DENND1B: variants seen among roughly 807,000 people sequenced by gnomAD.
The protein encoded by DENND1B is DENN domain-containing protein 1B.
A neutral mutation model predicts 90.1 loss-of-function variants in DENND1B; 59 were observed. The observed-to-expected ratio is 0.65, with a 90% CI of 0.53 to 0.81. DENND1B has a LOEUF of 0.81. Ranked by LOEUF, DENND1B falls within the 40% of genes least tolerant of loss-of-function variation. The pLI, the probability that DENND1B is intolerant of heterozygous loss-of-function variation, is 0.00. For missense variants in DENND1B, 862 were observed against 912.6 expected (o/e 0.94, Z 0.71); for synonymous variants, 337 against 324.6 (o/e 1.04, Z -0.41).
At chr1:197,600,505 C>A in intron 13 of DENND1B, among the ~76,000 whole-genome samples, 1 of 151,682 alleles carries the variant, frequency 6.6e-6, no homozygotes, top group Non-Finnish European at 1.5e-5. Flanking sequence ...AAGAGCATAC[C>A]TTAAACCTAG....
chr1:197,557,709 G>A (rs774308941), intron 15 of DENND1B, among the ~76,000 whole-genome samples: 7 of 151,872 alleles, frequency 4.6e-5, no homozygotes, highest in African/African-American at 1.4e-4. Flanking sequence ...ACTGAAAAGC[G>A]TTATTAATGA....
intron 2 of DENND1B, among the ~76,000 whole-genome samples, chr1:197,738,683 C>T (rs1419197986): frequency 1.3e-5 from 2 of 152,196 alleles, no homozygotes; most frequent in African/African-American, 4.8e-5. Context: ...TAAAGCAGCA[C>T]TTTTACATCC....
chr1:197,561,005 T>C (rs1339013234), intron 15 of DENND1B, among the ~76,000 whole-genome samples: 1 of 151,972 alleles, frequency 6.6e-6, no homozygotes, highest in Admixed American at 6.6e-5. Flanking sequence ...ATAAACTGCC[T>C]GTGCTCTTGC....
In DENND1B at chr1:197,539,170, C is replaced by T. The variant is rs539552264; in HGVS notation, c.1515+794G>A. ...TAACTGAGCATCAGAGATGGCTTTT[C>T]GCCTCCTTCTGCCACTGATCAGTTA... On this transcript the variant is annotated intron_variant, in intron 20 of 22. Transcript: ENST00000620048. Among the ~76,000 whole-genome samples, 614 of 152,226 alleles carry T rather than the reference C, an allele frequency of 4.0e-3. 6 individuals are homozygous for T. Among genetic ancestry groups the T allele is most frequent in the Non-Finnish European group, 7.7e-3 (525 of 68,010 alleles).
intron 15 of DENND1B, among the ~76,000 whole-genome samples, chr1:197,558,855 T>C (rs1177439336): frequency 6.6e-6 from 1 of 151,956 alleles, no homozygotes; most frequent in East Asian, 1.9e-4. Context: ...CTTCAGTAAG[T>C]AATACTGTTA....
At chr1:197,636,940 G>C (rs1484436604) in intron 10 of DENND1B, among the ~76,000 whole-genome samples, 1 of 151,862 alleles carries the variant, frequency 6.6e-6, no homozygotes, top group African/African-American at 2.4e-5. Context: ...GCATTTTGGC[G>C]GTATTGAATG....
At chr1:197,700,926 A>G (rs1201933047) in intron 3 of DENND1B, among the ~76,000 whole-genome samples, 2 of 152,200 alleles carry the variant, frequency 1.3e-5, no homozygotes, top group African/African-American at 2.4e-5. Flanking sequence ...TTAAAAAGTC[A>G]GGAAACAATA....
intron 2 of DENND1B, among the ~76,000 whole-genome samples, chr1:197,728,512 T>C (rs1010200376): frequency 6.6e-6 from 1 of 152,176 alleles, no homozygotes; most frequent in African/African-American, 2.4e-5. Flanking sequence ...ACTCTACCTA[T>C]GGAACCCAGA....
chr1:197,538,125 T>C (rs908227512), intron 20 of DENND1B, among the ~76,000 whole-genome samples: 10 of 152,168 alleles, frequency 6.6e-5, no homozygotes, highest in African/African-American at 2.4e-4. Context: ...ATATAAATAA[T>C]GTTTTTTTAC....
intron 2 of DENND1B, among the ~76,000 whole-genome samples, chr1:197,724,519 A>G (rs2102287476): frequency 6.6e-6 from 1 of 152,292 alleles, no homozygotes; most frequent in African/African-American, 2.4e-5. Flanking sequence ...TGACAAAAGG[A>G]AAGTACAAAT....
In DENND1B at chr1:197,773,396, A is replaced by G. The variant is rs184220143; in HGVS notation, c.18-464T>C. Among the ~76,000 whole-genome samples, 292 of 152,342 alleles carry G rather than the reference A, an allele frequency of 1.9e-3. 1 individual carries two copies. Among genetic ancestry groups the G allele is most frequent in the Non-Finnish European group, 3.4e-3 (234 of 68,026 alleles). ...AGGCTGTCTCCAAAGGACTTGCAAT[A>G]TAAGTGTAAATGATGAATACATGGT... On this transcript the variant is annotated intron_variant, in intron 1 of 22. Transcript: ENST00000620048.
chr1:197,736,191 C>A (rs1662670495), intron 2 of DENND1B: 2 of 458,640 alleles, frequency 4.4e-6, no homozygotes, highest in South Asian at 3.6e-5. Flanking sequence ...CAAAACAACC[C>A]ACTCTTTTGA....
intron 10 of DENND1B, among the ~76,000 whole-genome samples, chr1:197,626,935 G>T (rs1454659727): frequency 1.3e-5 from 2 of 152,062 alleles, no homozygotes; most frequent in African/African-American, 4.8e-5. Flanking sequence ...TAGAAGAAAT[G>T]GATAAATTCC....
intron 15 of DENND1B, among the ~76,000 whole-genome samples, chr1:197,560,695 A>G (rs182307051): frequency 5.3e-5 from 8 of 151,972 alleles, no homozygotes; most frequent in African/African-American, 1.9e-4. Context: ...AGCCATAATG[A>G]CTATTTGCAC....
chr1:197,677,874 G>A (rs1316659498), intron 3 of DENND1B, among the ~76,000 whole-genome samples: 4 of 152,144 alleles, frequency 2.6e-5, no homozygotes, highest in Non-Finnish European at 5.9e-5. Flanking sequence ...CTCCTGCCCT[G>A]CTGGGCTAAA....
chr1:197,673,413 T>C (rs980442212), intron 4 of DENND1B, among the ~76,000 whole-genome samples: 3 of 152,066 alleles, frequency 2.0e-5, no homozygotes, highest in Admixed American at 6.6e-5. Flanking sequence ...GTCTCACTAA[T>C]ACTTTAGCGA....
At chr1:197,518,604 A>T (rs1245484790) in intron 20 of DENND1B, among the ~76,000 whole-genome samples, 2 of 151,906 alleles carry the variant, frequency 1.3e-5, no homozygotes, top group African/African-American at 4.8e-5. Flanking sequence ...AGCAAATAGC[A>T]GAGACTATAT....
At chr1:197,748,215 G>A (rs1451197130) in intron 2 of DENND1B, among the ~76,000 whole-genome samples, 1 of 119,260 alleles carries the variant, frequency 8.4e-6, no homozygotes, top group East Asian at 2.8e-4. Flanking sequence ...AAAATATTCA[G>A]CGTGTAACAA....
At chr1:197,639,052 T>A (rs1332934420) in intron 10 of DENND1B, among the ~76,000 whole-genome samples, 1 of 151,358 alleles carries the variant, frequency 6.6e-6, no homozygotes, top group Non-Finnish European at 1.5e-5. Context: ...TTTAAACTTT[T>A]CATCTTTTAA....
Sources: gnomAD v4.1 joint callset for allele counts (sites outside exome capture counted in the v4.1 genomes callset) on GRCh38, gnomAD v4.1.1 for gene constraint, MANE v1.5 for transcripts, NCBI Gene and HGNC (gene_info 2026-07-23, HGNC 2026-07-21) for gene names.